The following HLF variants were observed in gnomAD, a reference collection of about 807,000 sequenced individuals.
The protein encoded by HLF is HLF transcription factor, PAR bZIP family member.
HLF carries 3 observed loss-of-function variants against 22.6 expected under a neutral mutation model. The observed-to-expected ratio is 0.13, with a 90% CI of 0.06 to 0.34. The LOEUF (loss-of-function observed/expected upper bound fraction) is 0.34, where lower values mean the gene tolerates loss of function less well. Among genes scored for constraint, HLF ranks in the 10% least tolerant of loss-of-function variants. The pLI is 1.00. For synonymous variants in HLF, 151 were observed against 151.8 expected, an observed-to-expected ratio of 0.99 and a Z score of 0.04; for missense variants, 299 against 389.2, an observed-to-expected ratio of 0.77 and a Z score of 1.95.
intron 2 of HLF, among the ~76,000 whole-genome samples, chr17:55,302,308 G>A (rs1904333682): frequency 6.6e-6 from 1 of 152,248 alleles, no homozygotes; most frequent in African/African-American, 2.4e-5. Flanking sequence ...CTGGCTAGGA[G>A]CCAAGGCAAG....
rs141986832 is a variant in HLF at position 55,311,668 on chromosome 17, TTTA to T, written c.452-3550_452-3548del. 3.3e-4 allele frequency among the ~76,000 whole-genome samples: 51 copies of T among 152,282 alleles called. No individual in the cohort carries two copies. In the East Asian group the frequency reaches 9.2e-3, roughly 28 times the overall value. ...ACAGTTTGGCAGTAGGTTTTTAAAATTTATTATTATTTTTAATTTTAGATTCAG... is the reference window on the plus strand; with the variant it reads ...ACAGTTTGGCAGTAGGTTTTTAAAATTTATTATTTTTAATTTTAGATTCAG... On this transcript the variant is annotated intron_variant, in intron 2 of 3. Coordinates refer to ENST00000226067, the MANE Select transcript of HLF (RefSeq NM_002126.5).
chr17:55,324,115 T>G lies in HLF; in HGVS notation c.*3236T>G, dbSNP rs530434548. Reference sequence around the variant, plus strand: ...CACTTTGAACCATTCAAATACCACATTAGGCAAGACTGTGATAGGCCTTTT... The same window carrying G: ...CACTTTGAACCATTCAAATACCACAGTAGGCAAGACTGTGATAGGCCTTTT... On this transcript the variant is annotated 3_prime_UTR_variant, in exon 4 of 4. Transcript: ENST00000226067. 4.4e-6 allele frequency: 1 copy of G among 226,558 alleles called. No individual in the cohort carries two copies. Among genetic ancestry groups the G allele is most frequent in the Non-Finnish European group, 8.8e-6 (1 of 113,808 alleles). 14.0% of individuals were successfully genotyped at this position (226,558 alleles called of 1,614,324 possible). A position where few individuals can be genotyped will look rare whatever the true frequency, so the allele number is the denominator to read the frequency against.
Position 55,323,887 on chromosome 17 carries a change from TA to T in HLF, c.*3009del, listed in dbSNP as rs1469300883. The T allele has an allele frequency of 8.7e-6, 2 of 229,104 alleles. No homozygotes were observed. Among genetic ancestry groups the T allele is most frequent in the East Asian group, 1.2e-4 (2 of 16,118 alleles). 14.2% of individuals were successfully genotyped at this position (229,104 alleles called of 1,614,324 possible). A position where few individuals can be genotyped will look rare whatever the true frequency, so the allele number is the denominator to read the frequency against. ...GGCCATTAACAATGAATCCAAATCA[TA>T]TCATACTGACATCATCTAGACATGA... On this transcript the variant is annotated 3_prime_UTR_variant, in exon 4 of 4. Transcript: ENST00000226067.
At chr17:55,280,924 C>T (rs2080948983) in intron 2 of HLF, among the ~76,000 whole-genome samples, 1 of 152,132 alleles carries the variant, frequency 6.6e-6, no homozygotes, top group South Asian at 2.1e-4. Context: ...ACGGTTTTTA[C>T]ACAAAGGGGA....
At chr17:55,299,373 A>G (rs2081136965) in intron 2 of HLF, among the ~76,000 whole-genome samples, 1 of 152,156 alleles carries the variant, frequency 6.6e-6, no homozygotes, top group African/African-American at 2.4e-5. Context: ...CTCTACGGGC[A>G]TTTTCACCTA....
intron 2 of HLF, chr17:55,271,506 G>T (rs1025891631): frequency 6.6e-6 from 1 of 152,102 alleles, no homozygotes; most frequent in Admixed American, 6.5e-5. Context: ...GCATTCTTGT[G>T]AATATTTATT....
chr17:55,272,919 C>T (rs1187781808), intron 2 of HLF: 1 of 152,312 alleles, frequency 6.6e-6, no homozygotes, highest in African/African-American at 2.4e-5. Flanking sequence ...AAGTGCTGTT[C>T]ATTCATCAGG....
At chr17:55,297,359 A>G (rs1567819978) in intron 2 of HLF, among the ~76,000 whole-genome samples, 1 of 152,206 alleles carries the variant, frequency 6.6e-6, no homozygotes, top group East Asian at 1.9e-4. Flanking sequence ...TAGAGTTTGT[A>G]GTTATTGAAA....
chr17:55,285,551 C>T (rs1399634462), intron 2 of HLF, among the ~76,000 whole-genome samples: 2 of 152,222 alleles, frequency 1.3e-5, no homozygotes, highest in African/African-American at 4.8e-5. Context: ...TTCCTTGGGT[C>T]CTTCTCTCTG....
rs922997631 is a variant in HLF, at chr17:55,266,833, T to G, written c.116-918T>G. On this transcript the variant is annotated intron_variant, in intron 1 of 3. Transcript: ENST00000226067. ...AGATCCGGAATGCTTGTTAAAGACCTAATGGGCGAGCAGTACTTCCAGGTA... is the reference window on the plus strand; with the variant it reads ...AGATCCGGAATGCTTGTTAAAGACCGAATGGGCGAGCAGTACTTCCAGGTA... The G allele has an allele frequency of 4.1e-6, 4 of 983,670 alleles. No individual in the cohort carries two copies. The African/African-American group carries it at 7.0e-5, about 17-fold the overall frequency. 60.9% of individuals were successfully genotyped at this position (983,670 alleles called of 1,614,324 possible).
In HLF at chr17:55,322,973, T is replaced by C. The variant is rs1245649121; in HGVS notation, c.*2094T>C. On this transcript the variant is annotated 3_prime_UTR_variant, in exon 4 of 4. Coordinates refer to ENST00000226067, the MANE Select transcript of HLF (RefSeq NM_002126.5). ...AAACATTTTACGCTAGATTAAAATATCCTTTCATCAATGGGATTTTCTAGT... is the reference window on the plus strand; with the variant it reads ...AAACATTTTACGCTAGATTAAAATACCCTTTCATCAATGGGATTTTCTAGT... 4.5e-6 allele frequency: 1 copy of C among 223,446 alleles called. No individual in the cohort carries two copies. The highest frequency in any genetic ancestry group is 5.7e-5 in the Admixed American group (1 of 17,452). The allele number at this position is 223,446 out of a possible 1,614,324, so 13.8% of individuals were successfully genotyped here. A position where few individuals can be genotyped will look rare whatever the true frequency, so the allele number is the denominator to read the frequency against.
At chr17:55,285,110 T>G (rs976178325) in intron 2 of HLF, among the ~76,000 whole-genome samples, 6 of 152,190 alleles carry the variant, frequency 3.9e-5, no homozygotes, top group African/African-American at 1.2e-4. Flanking sequence ...CTGCCCTCGT[T>G]CATAGAGAGT....
At chr17:55,308,842 G>A (rs1487012170) in intron 2 of HLF, among the ~76,000 whole-genome samples, 1 of 152,186 alleles carries the variant, frequency 6.6e-6, no homozygotes, top group Non-Finnish European at 1.5e-5. Context: ...GCTATGGGTT[G>A]CTCAGGTGGC....
chr17:55,301,091 T>C (rs1016136657), intron 2 of HLF, among the ~76,000 whole-genome samples: 24 of 152,272 alleles, frequency 1.6e-4, no homozygotes, highest in African/African-American at 5.3e-4. Context: ...TTGGCCAGGA[T>C]GGCAACTCCC....
At chr17:55,280,160 C>T (rs1376747720) in intron 2 of HLF, among the ~76,000 whole-genome samples, 2 of 152,182 alleles carry the variant, frequency 1.3e-5, no homozygotes, top group Non-Finnish European at 2.9e-5. Context: ...TCTCTTCTTC[C>T]ACCTCCATGG....
chr17:55,265,146 G>A lies in HLF; in HGVS notation c.-339G>A. 4.6e-6 allele frequency: 1 copy of A among 219,638 alleles called. No individual in the cohort carries two copies. The highest frequency in any genetic ancestry group is 6.9e-5 in the East Asian group (1 of 14,394). 13.6% of individuals were successfully genotyped at this position (219,638 alleles called of 1,614,324 possible). A position where few individuals can be genotyped will look rare whatever the true frequency, so the allele number is the denominator to read the frequency against. On this transcript the variant is annotated 5_prime_UTR_variant, in exon 1 of 4. Coordinates refer to ENST00000226067, the MANE Select transcript of HLF (RefSeq NM_002126.5). ...TGTCTTCTGCCCTTCTGCAGCCGTCGACATTTTTTTTTCTTTCTTTTTTTC... is the reference window on the plus strand; with the variant it reads ...TGTCTTCTGCCCTTCTGCAGCCGTCAACATTTTTTTTTCTTTCTTTTTTTC...
At chr17:55,306,782 C>T (rs1450135135) in intron 2 of HLF, among the ~76,000 whole-genome samples, 1 of 151,788 alleles carries the variant, frequency 6.6e-6, no homozygotes, top group East Asian at 1.9e-4. Context: ...TGATGCCTTT[C>T]TTTCCTTCCA....
chr17:55,279,968 T>C (rs1293432369), intron 2 of HLF, among the ~76,000 whole-genome samples: 1 of 152,202 alleles, frequency 6.6e-6, no homozygotes, highest in Non-Finnish European at 1.5e-5. Context: ...GGTGGTGGGA[T>C]CTACCAGCCA....
At chr17:55,299,447 A>G (rs1052391901) in intron 2 of HLF, among the ~76,000 whole-genome samples, 1 of 152,214 alleles carries the variant, frequency 6.6e-6, no homozygotes. Flanking sequence ...AAATTTAAAA[A>G]TAATGAAAGA....
Sources: allele counts gnomAD v4.1 joint callset (sites outside exome capture counted in the v4.1 genomes callset), GRCh38; gene constraint gnomAD v4.1.1; transcripts MANE v1.5; gene names NCBI Gene and HGNC (gene_info 2026-07-23, HGNC 2026-07-21).